The following ARHGAP26 variants were observed in gnomAD, a reference collection of about 807,000 sequenced individuals.
ARHGAP26 encodes Rho GTPase activating protein 26.
A neutral mutation model predicts 104.8 loss-of-function variants in ARHGAP26; 38 were observed. The observed-to-expected ratio is 0.36, with a 90% confidence interval of 0.28 to 0.48. The LOEUF is 0.48. ARHGAP26 is among the 20% of genes least tolerant of loss of function. The pLI, the probability that ARHGAP26 is intolerant of heterozygous loss-of-function variation, is 0.99. For missense variants in ARHGAP26, 704 were observed against 947.9 expected (o/e 0.74, Z 3.38); for synonymous variants, 341 against 340.0 (o/e 1.00, Z -0.03).
chr5:143,178,492 T>A (rs1428628934), intron 20 of ARHGAP26, among the ~76,000 whole-genome samples: 1 of 152,232 alleles, frequency 6.6e-6, no homozygotes, highest in East Asian at 1.9e-4. Context: ...TTCCCCTACC[T>A]ACACTTGCTA....
intron 11 of ARHGAP26, among the ~76,000 whole-genome samples, chr5:142,949,926 A>G (rs930815542): frequency 1.3e-5 from 2 of 152,246 alleles, no homozygotes; most frequent in Non-Finnish European, 2.9e-5. Flanking sequence ...AATGAAAACT[A>G]TTGACCAGGT....
At chr5:143,179,259 T>G (rs1803954562) in intron 20 of ARHGAP26, among the ~76,000 whole-genome samples, 1 of 152,230 alleles carries the variant, frequency 6.6e-6, no homozygotes, top group Non-Finnish European at 1.5e-5. Flanking sequence ...AGGGCTGGCA[T>G]GAGGGCTTAT....
intron 1 of ARHGAP26, among the ~76,000 whole-genome samples, chr5:142,819,631 T>C (rs1033034023): frequency 1.3e-5 from 2 of 152,318 alleles, no homozygotes; most frequent in Non-Finnish European, 1.5e-5. Context: ...AGAGTAGTCA[T>C]ATATAGGTGA....
chr5:142,844,603 G>A (rs144612629), intron 1 of ARHGAP26, among the ~76,000 whole-genome samples: 3,055 of 151,866 alleles, frequency 0.02, 93 homozygotes, highest in African/African-American at 0.064. Flanking sequence ...AGTGGCTCAC[G>A]TCTGTAATCC....
intron 11 of ARHGAP26, among the ~76,000 whole-genome samples, chr5:142,955,849 T>A (rs1769151427): frequency 6.6e-6 from 1 of 152,194 alleles, no homozygotes; most frequent in Non-Finnish European, 1.5e-5. Context: ...TCATGCTGTC[T>A]CCATGTTGCA....
intron 1 of ARHGAP26, among the ~76,000 whole-genome samples, chr5:142,832,527 G>A (rs1255284525): frequency 2.0e-5 from 3 of 152,296 alleles, no homozygotes; most frequent in Non-Finnish European, 2.9e-5. Flanking sequence ...AGAAAATAAA[G>A]TTCTTTTTCT....
intron 20 of ARHGAP26, among the ~76,000 whole-genome samples, chr5:143,153,579 C>T (rs1185196648): frequency 6.6e-6 from 1 of 152,112 alleles, no homozygotes. Flanking sequence ...CAGTAATTTC[C>T]CCAAATTAGA....
chr5:143,038,927 C>A (rs920792736), intron 13 of ARHGAP26, among the ~76,000 whole-genome samples: 1 of 151,996 alleles, frequency 6.6e-6, no homozygotes, highest in African/African-American at 2.4e-5. Context: ...ATCTCCTGAT[C>A]TTGTGATCCA....
At chr5:143,154,711 A>G (rs1800268923) in intron 20 of ARHGAP26, among the ~76,000 whole-genome samples, 1 of 152,210 alleles carries the variant, frequency 6.6e-6, no homozygotes, top group Non-Finnish European at 1.5e-5. Flanking sequence ...TAGGGTAGAC[A>G]CGCCACACCC....
At chr5:142,927,676 C>T (rs1229164977) in intron 10 of ARHGAP26, among the ~76,000 whole-genome samples, 1 of 152,182 alleles carries the variant, frequency 6.6e-6, no homozygotes, top group Non-Finnish European at 1.5e-5. Context: ...ACTCATTTCT[C>T]TTGAGTATAT....
chr5:143,149,803 A>G (rs932597667), intron 20 of ARHGAP26, among the ~76,000 whole-genome samples: 1 of 152,144 alleles, frequency 6.6e-6, no homozygotes, highest in African/African-American at 2.4e-5. Flanking sequence ...ATTACCATTA[A>G]CTTGACTATT....
intron 17 of ARHGAP26, among the ~76,000 whole-genome samples, chr5:143,081,191 A>C (rs1422578958): frequency 6.6e-6 from 1 of 152,106 alleles, no homozygotes; most frequent in Non-Finnish European, 1.5e-5. Flanking sequence ...CACAGGACTG[A>C]TGAGATCACT....
At chr5:143,173,283 A>C (rs1400946268) in intron 20 of ARHGAP26, 1 of 153,274 alleles carries the variant, frequency 6.5e-6, no homozygotes, top group East Asian at 1.9e-4. Context: ...TGATCCTCCC[A>C]CCTCGGCCTC....
intron 20 of ARHGAP26, among the ~76,000 whole-genome samples, chr5:143,191,278 G>C (rs533849880): frequency 1.5e-4 from 23 of 152,312 alleles, no homozygotes; most frequent in Admixed American, 1.4e-3. Flanking sequence ...TCTGTAGGTA[G>C]TGTAGACAAA....
At chr5:142,934,002 G>A (rs1020409120) in intron 11 of ARHGAP26, among the ~76,000 whole-genome samples, 1 of 152,152 alleles carries the variant, frequency 6.6e-6, no homozygotes, top group Non-Finnish European at 1.5e-5. Context: ...AGGGGAGGAA[G>A]TGCCCAGGAA....
At chr5:143,202,492 C>A (rs1451744836) in intron 20 of ARHGAP26, 1 of 145,146 alleles carries the variant, frequency 6.9e-6, no homozygotes, top group Non-Finnish European at 1.5e-5. Flanking sequence ...CATAAAATAG[C>A]CATACTGCCC....
intron 11 of ARHGAP26, among the ~76,000 whole-genome samples, chr5:143,012,552 C>CATACATACATATATATATATATATATAT (rs1200923855): frequency 9.6e-5 from 2 of 20,824 alleles, no homozygotes; most frequent in African/African-American, 2.4e-4. Context: ...TACATACATA[C>CATACATACATATATATATATATATATAT]ATATATATAT....
At chr5:143,041,736 A>C (rs1349996991) in intron 13 of ARHGAP26, 80 bp from the exon 14 acceptor site, 1 of 1,118,274 alleles carries the variant, frequency 8.9e-7, no homozygotes, top group Non-Finnish European at 1.3e-6. Flanking sequence ...AAAAAAAAAA[A>C]AAAAAGTGCA....
chr5:142,905,680 G>A (rs1761011051), intron 8 of ARHGAP26, among the ~76,000 whole-genome samples: 1 of 152,142 alleles, frequency 6.6e-6, no homozygotes, highest in African/African-American at 2.4e-5. Context: ...AAGAATAAAA[G>A]ATATTCTTTT....
Sources: gnomAD v4.1 joint callset for allele counts (sites outside exome capture counted in the v4.1 genomes callset) on GRCh38, gnomAD v4.1.1 for gene constraint, MANE v1.5 for transcripts, NCBI Gene and HGNC (gene_info 2026-07-23, HGNC 2026-07-21) for gene names.